DLC1: variants seen among roughly 807,000 people sequenced by gnomAD.
DLC1 encodes the protein DLC1 Rho GTPase activating protein, also known as rho GTPase-activating protein 7.
DLC1 carries 54 observed loss-of-function variants against 140.3 expected under a neutral mutation model. The ratio of observed to expected loss-of-function variants is 0.38; its 90% CI spans 0.31 to 0.48. The LOEUF (loss-of-function observed/expected upper bound fraction) is 0.48, where lower values mean the gene tolerates loss of function less well. DLC1 is among the 20% of genes least tolerant of loss of function. The pLI is 0.96. For synonymous variants in DLC1, 986 were observed against 728.1 expected, an observed-to-expected ratio of 1.35 and a Z score of -5.70; for missense variants, 2,536 against 1,907.0, an observed-to-expected ratio of 1.33 and a Z score of -6.14.
chr8:13,246,770 A>G (rs1029430149), intron 5 of DLC1, among the ~76,000 whole-genome samples: 12 of 152,022 alleles, frequency 7.9e-5, no homozygotes, highest in African/African-American at 2.4e-4. Context: ...CTATCTGGAG[A>G]TAGTCTACAG....
chr8:13,229,127 C>T (rs1461366203), intron 5 of DLC1, among the ~76,000 whole-genome samples: 1 of 152,116 alleles, frequency 6.6e-6, no homozygotes, highest in Non-Finnish European at 1.5e-5. Context: ...CAGTCCATAC[C>T]CAAACGTTCA....
chr8:13,310,517 A>G (rs973940298), intron 4 of DLC1, among the ~76,000 whole-genome samples: 1 of 152,244 alleles, frequency 6.6e-6, no homozygotes, highest in Non-Finnish European at 1.5e-5. Flanking sequence ...TGAGAGCACA[A>G]GAGCCCATTG....
chr8:13,176,461 C>G (rs1325192620), intron 5 of DLC1, among the ~76,000 whole-genome samples: 2 of 152,136 alleles, frequency 1.3e-5, no homozygotes, highest in Non-Finnish European at 2.9e-5. Context: ...TGCCTGTAGT[C>G]CCAGCTACTC....
chr8:13,393,745 G>T (rs770786686), intron 3 of DLC1, 52 bp from the exon 4 acceptor site: 3 of 1,571,348 alleles, frequency 1.9e-6, no homozygotes, highest in Non-Finnish European at 2.6e-6. Flanking sequence ...GTTCCCAAAT[G>T]CCCTTCTTCC....
intron 1 of DLC1, among the ~76,000 whole-genome samples, chr8:13,532,346 C>G (rs1803127060): frequency 6.6e-6 from 1 of 152,112 alleles, no homozygotes; most frequent in Non-Finnish European, 1.5e-5. Context: ...CTGTCTCTTC[C>G]TAGGAGAAAT....
At chr8:13,454,419 C>T (rs1293390029) in intron 2 of DLC1, among the ~76,000 whole-genome samples, 1 of 152,138 alleles carries the variant, frequency 6.6e-6, no homozygotes, top group African/African-American at 2.4e-5. Context: ...CTTAAAAGAT[C>T]ATTTCCATGA....
intron 4 of DLC1, among the ~76,000 whole-genome samples, chr8:13,359,196 C>T (rs1346889148): frequency 6.6e-6 from 1 of 152,142 alleles, no homozygotes; most frequent in Non-Finnish European, 1.5e-5. Flanking sequence ...CCTCGGCCTC[C>T]CAAATTGCTG....
At chr8:13,300,773 G>A (rs905075680) in intron 5 of DLC1, among the ~76,000 whole-genome samples, 6 of 152,178 alleles carry the variant, frequency 3.9e-5, no homozygotes, top group African/African-American at 1.4e-4. Context: ...TTTACTCTGT[G>A]GCTAATAGAG....
At chr8:13,570,288 TTC>T (rs199669982) in intron 1 of DLC1, among the ~76,000 whole-genome samples, 3,423 of 136,960 alleles carry the variant, frequency 0.025, 198 homozygotes, top group East Asian at 0.15. Flanking sequence ...TTCCCCTAAA[TTC>T]TCTCTTTTTT....
chr8:13,488,567 T>C (rs1478242993), intron 2 of DLC1, among the ~76,000 whole-genome samples: 2 of 152,104 alleles, frequency 1.3e-5, no homozygotes, highest in Non-Finnish European at 2.9e-5. Context: ...TTCCCACAAG[T>C]GCAAAATCTA....
chr8:13,352,211 C>G (rs192824733), intron 4 of DLC1, among the ~76,000 whole-genome samples: 237 of 152,150 alleles, frequency 1.6e-3, no homozygotes, highest in African/African-American at 5.2e-3. Flanking sequence ...GCGCTTGTTC[C>G]GAACACACGC....
intron 5 of DLC1, among the ~76,000 whole-genome samples, chr8:13,184,310 T>C (rs1318245851): frequency 6.6e-6 from 1 of 151,500 alleles, no homozygotes; most frequent in Admixed American, 6.6e-5. Context: ...TGTGTCTCTA[T>C]CTCCTTTAGT....
chr8:13,338,935 A>C (rs1175729776), intron 4 of DLC1, among the ~76,000 whole-genome samples: 1 of 152,198 alleles, frequency 6.6e-6, no homozygotes, highest in African/African-American at 2.4e-5. Context: ...TTGCACACAA[A>C]ATATGTGTAG....
chr8:13,497,215 T>C (rs975891189), intron 2 of DLC1, among the ~76,000 whole-genome samples: 16 of 152,208 alleles, frequency 1.1e-4, no homozygotes, highest in African/African-American at 3.6e-4. Context: ...CTATTGTTTC[T>C]TCTGGTAAAT....
At chr8:13,164,912 A>G (rs983459391) in intron 5 of DLC1, among the ~76,000 whole-genome samples, 4 of 152,148 alleles carry the variant, frequency 2.6e-5, no homozygotes, top group African/African-American at 9.7e-5. Context: ...GTGAATCTCC[A>G]TTTTCCATTT....
chr8:13,581,904 G>C (rs575626961), intron 1 of DLC1, among the ~76,000 whole-genome samples: 1 of 152,042 alleles, frequency 6.6e-6, no homozygotes, highest in Non-Finnish European at 1.5e-5. Context: ...TGAAGTCCAC[G>C]CATCAAAGGC....
intron 2 of DLC1, among the ~76,000 whole-genome samples, chr8:13,468,338 A>G (rs1405694195): frequency 6.6e-5 from 2 of 30,076 alleles, no homozygotes; most frequent in Admixed American, 3.8e-4. Flanking sequence ...CCTTCCCCCC[A>G]TTCCCCTCCC....
intron 5 of DLC1, among the ~76,000 whole-genome samples, chr8:13,169,446 A>T (rs1825312865): frequency 6.6e-6 from 1 of 152,234 alleles, no homozygotes; most frequent in South Asian, 2.1e-4. Flanking sequence ...TTTAGAGCTA[A>T]TATGGATAAA....
intron 5 of DLC1, among the ~76,000 whole-genome samples, chr8:13,131,210 C>T (rs1156824625): frequency 1.3e-5 from 2 of 152,178 alleles, no homozygotes; most frequent in East Asian, 1.9e-4. Context: ...ATTATTTCCA[C>T]CGAGGACCAG....
Sources: gnomAD v4.1 joint callset for allele counts (sites outside exome capture counted in the v4.1 genomes callset) on GRCh38, gnomAD v4.1.1 for gene constraint, MANE v1.5 for transcripts, NCBI Gene and HGNC (gene_info 2026-07-23, HGNC 2026-07-21) for gene names.